Variants in LRTM3 observed in about 807,000 individuals in gnomAD.
LRTM3 encodes leucine rich repeat transmembrane protein 3.
the LRTM3 span, chr13:102,733,562 TC>T: frequency 6.4e-7 from 1 of 1,551,240 alleles, no homozygotes. Flanking sequence ...AGTGTCTTCT[TC>T]CAGACCTCCC....
At chr13:102,741,009 C>T in the LRTM3 span, 2 of 1,550,142 alleles carry the variant, frequency 1.3e-6, no homozygotes, top group Non-Finnish European at 1.7e-6. Flanking sequence ...TCATGTGATG[C>T]TTTCTCTACC....
At chr13:102,737,728 A>AT in the LRTM3 span, 1 of 1,550,522 alleles carries the variant, frequency 6.4e-7, no homozygotes, top group Admixed American at 2.0e-5. Flanking sequence ...CACTTGCGCT[A>AT]TCACCCTCAC....
chr13:102,745,874 TGTGTAAAA>T, the LRTM3 span: 1 of 1,551,178 alleles, frequency 6.4e-7, no homozygotes, highest in Non-Finnish European at 8.7e-7. Flanking sequence ...CAAAATAGTT[TGTGTAAAA>T]TGTGTTTGTG....
chr13:102,743,212 C>T, the LRTM3 span: 5 of 1,550,658 alleles, frequency 3.2e-6, no homozygotes, highest in South Asian at 5.9e-5. Context: ...AAGTTCTTCT[C>T]TTGTCAATGG....
the LRTM3 span, chr13:102,736,505 G>A: frequency 6.4e-7 from 1 of 1,551,122 alleles, no homozygotes. Context: ...TGAAGGCAAT[G>A]ATTCCTGGAT....
chr13:102,747,122 T>C, the LRTM3 span: 1 of 1,550,936 alleles, frequency 6.4e-7, no homozygotes. Flanking sequence ...ATCTAGTGTG[T>C]TTTGGGATTC....
At chr13:102,751,019 G>A in the LRTM3 span, among the ~76,000 whole-genome samples, 2 of 152,172 alleles carry the variant, frequency 1.3e-5, no homozygotes, top group Admixed American at 1.3e-4. Flanking sequence ...TTATTTGTCA[G>A]TTTGGCTGGG....
the LRTM3 span, chr13:102,741,723 G>C: frequency 6.5e-7 from 1 of 1,550,354 alleles, no homozygotes; most frequent in Non-Finnish European, 8.7e-7. Flanking sequence ...GGAATATCTA[G>C]TCTCTTCGAT....
chr13:102,742,235 G>T, the LRTM3 span: 2 of 1,550,408 alleles, frequency 1.3e-6, no homozygotes, highest in Admixed American at 3.9e-5. Context: ...ATTGCTTGCA[G>T]TACCATACTC....
At chr13:102,742,276 C>T in the LRTM3 span, 40 of 1,550,034 alleles carry the variant, frequency 2.6e-5, no homozygotes, top group African/African-American at 5.1e-4. Context: ...TTCTTTTTGC[C>T]TTCAATTTTA....
the LRTM3 span, chr13:102,739,973 G>A: frequency 6.4e-7 from 1 of 1,550,466 alleles, no homozygotes; most frequent in Non-Finnish European, 8.7e-7. Context: ...CCATTTCGAA[G>A]TTCTCCTTTT....
chr13:102,731,408 T>A, the LRTM3 span: 1 of 1,551,472 alleles, frequency 6.4e-7, no homozygotes, highest in Non-Finnish European at 8.7e-7. Flanking sequence ...TGGTATCAGA[T>A]TCAGTTGTAT....
the LRTM3 span, chr13:102,734,990 T>A: frequency 3.2e-6 from 5 of 1,551,168 alleles, no homozygotes; most frequent in South Asian, 6.0e-5. Flanking sequence ...TACCTGGAGT[T>A]TTACTAGGGG....
At chr13:102,736,469 G>T in the LRTM3 span, 1 of 1,551,120 alleles carries the variant, frequency 6.4e-7, no homozygotes, top group Non-Finnish European at 8.7e-7. Flanking sequence ...AAGGCTCTCT[G>T]TTGGCTTTGT....
chr13:102,742,482 C>A, the LRTM3 span: 8 of 1,549,718 alleles, frequency 5.2e-6, no homozygotes, highest in South Asian at 9.5e-5. Flanking sequence ...GTTTTAAATT[C>A]TTTCTTGTTT....
the LRTM3 span, chr13:102,758,890 C>T: frequency 6.5e-7 from 1 of 1,547,598 alleles, no homozygotes; most frequent in Non-Finnish European, 8.7e-7. Flanking sequence ...TCTTCCAGTC[C>T]ACTCCCTACC....
At chr13:102,730,347 A>G in the LRTM3 span, 1 of 1,551,050 alleles carries the variant, frequency 6.4e-7, no homozygotes, top group East Asian at 2.4e-5. Flanking sequence ...AGACATGAAC[A>G]CTCGTCCAAG....
chr13:102,737,214 G>C, the LRTM3 span: 1 of 1,550,894 alleles, frequency 6.4e-7, no homozygotes, highest in South Asian at 1.2e-5. Context: ...TTGTATTCTT[G>C]TACTGTTTTT....
At chr13:102,753,338 G>C in the LRTM3 span, among the ~76,000 whole-genome samples, 1 of 152,124 alleles carries the variant, frequency 6.6e-6, no homozygotes, top group African/African-American at 2.4e-5. Context: ...GAGGGGCACA[G>C]GGACGGAGAG....
Sources: gnomAD v4.1 joint callset for allele counts (sites outside exome capture counted in the v4.1 genomes callset) on GRCh38, gnomAD v4.1.1 for gene constraint, MANE v1.5 for transcripts, NCBI Gene and HGNC (gene_info 2026-07-23, HGNC 2026-07-21) for gene names.